The following NAALADL2 variants were observed in gnomAD, a reference collection of about 807,000 sequenced individuals.
NAALADL2 encodes N-acetylated alpha-linked acidic dipeptidase like 2.
In NAALADL2, 76 loss-of-function variants were observed where a neutral mutation model predicts 87.2. That is an observed-to-expected ratio of 0.87 (90% CI 0.72 to 1.05). The LOEUF is 1.05. Among genes scored for constraint, NAALADL2 ranks in the 50% least tolerant of loss-of-function variants. The pLI, the probability that NAALADL2 is intolerant of heterozygous loss-of-function variation, is 0.00. For missense variants in NAALADL2, 1,089 were observed against 945.8 expected, an observed-to-expected ratio of 1.15 and a Z score of -1.99; for synonymous variants, 354 against 331.0, an observed-to-expected ratio of 1.07 and a Z score of -0.75.
At chr3:174,442,195 G>T (rs149676057) in intron 1 of NAALADL2, among the ~76,000 whole-genome samples, 1 of 152,142 alleles carries the variant, frequency 6.6e-6, no homozygotes, top group East Asian at 1.9e-4. Flanking sequence ...AAGGGACCAT[G>T]GTGAGCACTG....
intron 11 of NAALADL2, among the ~76,000 whole-genome samples, chr3:175,636,879 C>A (rs1728638709): frequency 6.6e-6 from 1 of 152,038 alleles, no homozygotes; most frequent in Admixed American, 6.5e-5. Context: ...TTTTAAGACA[C>A]AGTTTCTTCC....
intron 3 of NAALADL2, among the ~76,000 whole-genome samples, chr3:174,848,704 G>C (rs1448207987): frequency 6.6e-6 from 1 of 152,140 alleles, no homozygotes; most frequent in African/African-American, 2.4e-5. Context: ...TGTAATGTGT[G>C]TTTTAAACTA....
chr3:175,239,861 G>A (rs1473923036), intron 3 of NAALADL2, among the ~76,000 whole-genome samples: 1 of 152,084 alleles, frequency 6.6e-6, no homozygotes, highest in African/African-American at 2.4e-5. Context: ...AACGTTTTTT[G>A]TGGGGAAGAA....
intron 3 of NAALADL2, among the ~76,000 whole-genome samples, chr3:174,748,731 C>T (rs923068921): frequency 1.3e-5 from 2 of 152,084 alleles, no homozygotes; most frequent in African/African-American, 2.4e-5. Flanking sequence ...CCAGGGTGAG[C>T]ATTTTTTCAT....
intron 5 of NAALADL2, among the ~76,000 whole-genome samples, chr3:175,330,782 T>C (rs1263890800): frequency 1.3e-5 from 2 of 151,938 alleles, no homozygotes; most frequent in Non-Finnish European, 2.9e-5. Flanking sequence ...CCATACTTAG[T>C]AGAATGAAAC....
chr3:175,119,212 A>G (rs1054002936), intron 2 of NAALADL2, among the ~76,000 whole-genome samples: 3 of 151,688 alleles, frequency 2.0e-5, no homozygotes, highest in Non-Finnish European at 4.4e-5. Flanking sequence ...ATAAATAATA[A>G]TATTCAGTGA....
chr3:175,343,294 A>G (rs768977415), intron 5 of NAALADL2, among the ~76,000 whole-genome samples: 3 of 152,128 alleles, frequency 2.0e-5, no homozygotes, highest in Non-Finnish European at 4.4e-5. Context: ...TGGCATATAT[A>G]GAGTTTCTCC....
intron 9 of NAALADL2, 133 bp from the exon 10 acceptor site, chr3:175,575,908 A>C: frequency 2.9e-6 from 2 of 682,556 alleles, no homozygotes; most frequent in Non-Finnish European, 4.8e-6. Flanking sequence ...GTGGGGCCTA[A>C]GCATTTGCAT....
At chr3:175,494,980 T>C (rs1448468617) in intron 9 of NAALADL2, among the ~76,000 whole-genome samples, 2 of 151,586 alleles carry the variant, frequency 1.3e-5, no homozygotes, top group Non-Finnish European at 2.9e-5. Context: ...TGCTTCAGTC[T>C]GGAACAATTG....
chr3:175,021,244 T>G (rs1274313719), intron 1 of NAALADL2, among the ~76,000 whole-genome samples: 2 of 152,084 alleles, frequency 1.3e-5, no homozygotes, highest in African/African-American at 2.4e-5. Flanking sequence ...CATTTGTTCC[T>G]TCATAAACAG....
intron 2 of NAALADL2, among the ~76,000 whole-genome samples, chr3:175,221,679 C>T (rs1474762266): frequency 6.6e-6 from 1 of 152,086 alleles, no homozygotes; most frequent in African/African-American, 2.4e-5. Flanking sequence ...TCAACCACTA[C>T]AGCTACACAA....
At chr3:175,667,219 GAAAGAAAGAAAGAAAGAAAGAAAA>G (rs1560943032) in intron 11 of NAALADL2, among the ~76,000 whole-genome samples, 4 of 124,940 alleles carry the variant, frequency 3.2e-5, no homozygotes, top group Admixed American at 7.4e-5. Context: ...AAGAAAGAAA[GAAAGAAAGAAAGAAAGAAAGAAAA>G]AGAAAGAAAG....
intron 11 of NAALADL2, among the ~76,000 whole-genome samples, chr3:175,709,282 A>T (rs941381078): frequency 6.6e-6 from 1 of 152,128 alleles, no homozygotes; most frequent in African/African-American, 2.4e-5. Context: ...TAAACATATC[A>T]TGCTATGTGT....
In NAALADL2 at chr3:175,806,251, G is replaced by T. The variant is rs1754691592; in HGVS notation, c.*3048G>T. The T allele has an allele frequency of 6.6e-6, 1 of 151,864 alleles. No individual in the cohort carries two copies. Among genetic ancestry groups the T allele is most frequent in the Non-Finnish European group, 1.5e-5 (1 of 67,884 alleles). The allele number at this position is 151,864 out of a possible 1,614,324, so 9.4% of individuals were successfully genotyped here. A position where few individuals can be genotyped will look rare whatever the true frequency, so the allele number is the denominator to read the frequency against. On this transcript the variant is annotated 3_prime_UTR_variant, in exon 14 of 14. Coordinates refer to ENST00000454872, the MANE Select transcript of NAALADL2 (RefSeq NM_207015.3). ...CAAAGGACACAAAGACTGGGTACTTGAGAGAAAGTGGGGAGAATCCTTACA... is the reference window on the plus strand; with the variant it reads ...CAAAGGACACAAAGACTGGGTACTTTAGAGAAAGTGGGGAGAATCCTTACA...
intron 11 of NAALADL2, among the ~76,000 whole-genome samples, chr3:175,696,621 G>C (rs1000650250): frequency 6.6e-6 from 1 of 151,996 alleles, no homozygotes; most frequent in Admixed American, 6.6e-5. Context: ...TCCACTCTAA[G>C]GGACATCAAG....
At chr3:174,926,375 G>A (rs550387025) in intron 1 of NAALADL2, among the ~76,000 whole-genome samples, 103 of 152,104 alleles carry the variant, frequency 6.8e-4, no homozygotes, top group African/African-American at 2.5e-3. Context: ...GATACTCCTC[G>A]AGAAGAGCAA....
At chr3:175,025,432 A>G (rs987343136) in intron 1 of NAALADL2, among the ~76,000 whole-genome samples, 2 of 152,146 alleles carry the variant, frequency 1.3e-5, no homozygotes, top group Non-Finnish European at 2.9e-5. Flanking sequence ...TTCAAGTTAC[A>G]TGAACCATCT....
intron 5 of NAALADL2, among the ~76,000 whole-genome samples, chr3:175,337,244 G>T (rs987437034): frequency 4.0e-5 from 6 of 150,890 alleles, no homozygotes; most frequent in Admixed American, 6.6e-5. Context: ...GTGGTATTAG[G>T]TCTAGGTGGT....
intron 5 of NAALADL2, among the ~76,000 whole-genome samples, chr3:175,356,860 A>C (rs1764434992): frequency 6.6e-6 from 1 of 151,982 alleles, no homozygotes; most frequent in Non-Finnish European, 1.5e-5. Flanking sequence ...TTGTATGTTG[A>C]CATGTGAAAG....
Sources: gnomAD v4.1 joint callset for allele counts (sites outside exome capture counted in the v4.1 genomes callset) on GRCh38, gnomAD v4.1.1 for gene constraint, MANE v1.5 for transcripts, NCBI Gene and HGNC (gene_info 2026-07-23, HGNC 2026-07-21) for gene names.